DCC: variants seen among roughly 807,000 people sequenced by gnomAD.
DCC encodes the protein DCC netrin 1 receptor, also known as netrin receptor DCC.
DCC carries 58 observed loss-of-function variants against 172.5 expected under a neutral mutation model. The observed-to-expected ratio is 0.34, with a 90% confidence interval of 0.27 to 0.42. The LOEUF is 0.42. Ranked by LOEUF, DCC falls within the 10% of genes least tolerant of loss-of-function variation. DCC has a pLI of 1.00. For missense variants in DCC, 1,740 were observed against 1,791.0 expected (o/e 0.97, Z 0.51); for synonymous variants, 709 against 644.5 (o/e 1.10, Z -1.52).
chr18:52,677,515 A>C (rs1234359650), intron 1 of DCC, among the ~76,000 whole-genome samples: 1 of 151,562 alleles, frequency 6.6e-6, no homozygotes, highest in East Asian at 1.9e-4. Flanking sequence ...TATTGTTTCT[A>C]TTGTTATTAT....
At chr18:52,478,797 G>T (rs752070596) in intron 1 of DCC, among the ~76,000 whole-genome samples, 39 of 152,110 alleles carry the variant, frequency 2.6e-4, no homozygotes, top group Non-Finnish European at 5.0e-4. Context: ...CAAAGAGATG[G>T]GGTTAAAGCA....
chr18:52,359,288 T>A (rs1322666260), intron 1 of DCC, among the ~76,000 whole-genome samples: 2 of 152,220 alleles, frequency 1.3e-5, no homozygotes, highest in East Asian at 3.9e-4. Context: ...TAATGGTTAA[T>A]ATTTATGAAA....
At chr18:52,849,256 C>A (rs898745962) in intron 2 of DCC, among the ~76,000 whole-genome samples, 4 of 152,164 alleles carry the variant, frequency 2.6e-5, no homozygotes, top group Non-Finnish European at 5.9e-5. Flanking sequence ...TACTGGACTG[C>A]TGTTTCCATC....
intron 1 of DCC, among the ~76,000 whole-genome samples, chr18:52,382,076 T>C (rs898890332): frequency 6.6e-6 from 1 of 152,154 alleles, no homozygotes; most frequent in Non-Finnish European, 1.5e-5. Context: ...AGAAGCTGCA[T>C]GCTGCACACA....
intron 2 of DCC, among the ~76,000 whole-genome samples, chr18:52,883,391 TGAGA>T (rs1568166859): frequency 3.6e-5 from 3 of 82,192 alleles, no homozygotes; most frequent in African/African-American, 1.1e-4. Flanking sequence ...TGTGTGTGTG[TGAGA>T]TCTCTTTCTG....
At chr18:52,399,210 T>G (rs1012328037) in intron 1 of DCC, among the ~76,000 whole-genome samples, 4 of 151,910 alleles carry the variant, frequency 2.6e-5, no homozygotes, top group African/African-American at 7.2e-5. Context: ...TTTTTTTGTT[T>G]CTTTTCTGGA....
chr18:52,717,334 T>C (rs1257256628), intron 1 of DCC, among the ~76,000 whole-genome samples: 6 of 151,960 alleles, frequency 3.9e-5, no homozygotes, highest in African/African-American at 9.7e-5. Flanking sequence ...CTCAGGTTTA[T>C]AGGGTAGCTT....
intron 1 of DCC, among the ~76,000 whole-genome samples, chr18:52,401,360 GT>G (rs1986434099): frequency 6.6e-6 from 1 of 151,956 alleles, no homozygotes; most frequent in Non-Finnish European, 1.5e-5. Flanking sequence ...CATCCCACTA[GT>G]TACAACTTAA....
At chr18:52,854,104 G>A (rs2039016538) in intron 2 of DCC, among the ~76,000 whole-genome samples, 1 of 152,194 alleles carries the variant, frequency 6.6e-6, no homozygotes, top group Admixed American at 6.5e-5. Context: ...GATGTCATAA[G>A]TATAGATGAG....
At chr18:52,868,696 G>T (rs563163333) in intron 2 of DCC, among the ~76,000 whole-genome samples, 1 of 152,292 alleles carries the variant, frequency 6.6e-6, no homozygotes, top group South Asian at 2.1e-4. Context: ...TTTTGCTTAG[G>T]CCTGCTGGGC....
intron 7 of DCC, among the ~76,000 whole-genome samples, chr18:53,091,554 G>C (rs1270630662): frequency 6.6e-6 from 1 of 151,656 alleles, no homozygotes; most frequent in Non-Finnish European, 1.5e-5. Context: ...TGATGGTTGG[G>C]TTTCTGGTGA....
intron 1 of DCC, among the ~76,000 whole-genome samples, chr18:52,387,620 TTCCTTCCTTCC>T (rs1985862479): frequency 6.9e-6 from 1 of 145,718 alleles, no homozygotes; most frequent in Admixed American, 7.1e-5. Flanking sequence ...CCTTCCTTCC[TTCCTTCCTTCC>T]TTCTGTCCTT....
chr18:53,095,175 G>T (rs940583350), intron 7 of DCC, among the ~76,000 whole-genome samples: 85 of 152,268 alleles, frequency 5.6e-4, no homozygotes, highest in African/African-American at 1.9e-3. Flanking sequence ...TTTTATAGAG[G>T]TTTAATATAA....
chr18:53,068,982 C>T (rs778597087), intron 7 of DCC, among the ~76,000 whole-genome samples: 1 of 152,052 alleles, frequency 6.6e-6, no homozygotes, highest in Non-Finnish European at 1.5e-5. Context: ...GAACAGGAGC[C>T]ATATCTGTGT....
At chr18:52,373,702 T>C (rs1016775364) in intron 1 of DCC, among the ~76,000 whole-genome samples, 2 of 152,100 alleles carry the variant, frequency 1.3e-5, no homozygotes, top group Non-Finnish European at 2.9e-5. Flanking sequence ...CCAAGTTTGA[T>C]TTCATCATCT....
At chr18:53,131,080 A>G (rs1015402575) in intron 7 of DCC, among the ~76,000 whole-genome samples, 8 of 152,272 alleles carry the variant, frequency 5.3e-5, no homozygotes, top group African/African-American at 1.9e-4. Context: ...AAAATAACAC[A>G]AAGGAACTTC....
At chr18:52,899,861 G>T (rs1450966746) in intron 2 of DCC, among the ~76,000 whole-genome samples, 1 of 152,062 alleles carries the variant, frequency 6.6e-6, no homozygotes, top group African/African-American at 2.4e-5. Context: ...CCAATATTTA[G>T]GGTCTGAAAC....
chr18:53,280,469 C>T (rs1228532308), intron 12 of DCC, among the ~76,000 whole-genome samples: 3 of 152,044 alleles, frequency 2.0e-5, no homozygotes, highest in East Asian at 3.9e-4. Context: ...AAATTTTGAA[C>T]GTCTACCTGA....
rs117064620 is a variant in DCC at position 52,347,458 on chromosome 18, T to C, written c.91+6580T>C. 3.1e-3 allele frequency among the ~76,000 whole-genome samples: 468 copies of C among 152,268 alleles called. 4 individuals carry two copies. The highest frequency in any genetic ancestry group is 4.8e-3 in the Non-Finnish European group (327 of 67,976). On this transcript the variant is annotated intron_variant, in intron 1 of 28. Transcript: ENST00000442544. ...GATAATTTTTGAAGGCATTGCATCA[T>C]ACAGAACTGTTTATTTTTCCCATCA...
Sources: gnomAD v4.1 joint callset for allele counts (sites outside exome capture counted in the v4.1 genomes callset) on GRCh38, gnomAD v4.1.1 for gene constraint, MANE v1.5 for transcripts, NCBI Gene and HGNC (gene_info 2026-07-23, HGNC 2026-07-21) for gene names.